ARL6IP5: variants seen among roughly 807,000 people sequenced by gnomAD.
ARL6IP5 encodes ARF like GTPase 6 interacting protein 5.
A neutral mutation model predicts 13.0 loss-of-function variants in ARL6IP5; 6 were observed. The ratio of observed to expected loss-of-function variants is 0.46; its 90% CI spans 0.25 to 0.91. ARL6IP5 has a LOEUF of 0.91. ARL6IP5 is among the 40% of genes least tolerant of loss of function. The probability of loss-of-function intolerance (pLI) is 0.17; values close to 1 mark genes in which losing one functional copy is unlikely to be tolerated. For synonymous variants in ARL6IP5, 91 were observed against 91.9 expected, an observed-to-expected ratio of 0.99 and a Z score of 0.06; for missense variants, 208 against 248.8, an observed-to-expected ratio of 0.84 and a Z score of 1.10.
At chr3:69,100,581 AC>A (rs2092301767) in intron 1 of ARL6IP5, among the ~76,000 whole-genome samples, 1 of 152,060 alleles carries the variant, frequency 6.6e-6, no homozygotes, top group Non-Finnish European at 1.5e-5. Flanking sequence ...GGAGTTCAAG[AC>A]CAGCCTGGCC....
intron 1 of ARL6IP5, among the ~76,000 whole-genome samples, chr3:69,095,336 T>G (rs1255782404): frequency 6.6e-6 from 1 of 151,900 alleles, no homozygotes; most frequent in African/African-American, 2.4e-5. Context: ...TATTAATTAT[T>G]TATTGGAATT....
rs1007327336 is a variant in ARL6IP5 at position 69,105,217 on chromosome 3, T to A, written c.*581T>A. ...CTTTACAAATATAAAGATAGCTGTT[T>A]AGGATATTTTGTTACATTTTTGTAA... On this transcript the variant is annotated 3_prime_UTR_variant, in exon 3 of 3. Transcript: ENST00000273258. The A allele has an allele frequency of 4.3e-6, 1 of 231,454 alleles. No homozygotes were observed. Among genetic ancestry groups the A allele is most frequent in the Non-Finnish European group, 8.5e-6 (1 of 118,312 alleles). 14.3% of individuals were successfully genotyped at this position (231,454 alleles called of 1,614,324 possible). A position where few individuals can be genotyped will look rare whatever the true frequency, so the allele number is the denominator to read the frequency against.
intron 1 of ARL6IP5, among the ~76,000 whole-genome samples, chr3:69,085,890 A>G (rs560090215): frequency 7.2e-5 from 11 of 152,154 alleles, no homozygotes; most frequent in Non-Finnish European, 1.3e-4. Flanking sequence ...TGAGGTTTCA[A>G]TGTATCAGAA....
At chr3:69,101,732 A>G in intron 1 of ARL6IP5, 107 bp from the exon 2 acceptor site, 1 of 892,598 alleles carries the variant, frequency 1.1e-6, no homozygotes, top group Non-Finnish European at 1.8e-6. Flanking sequence ...TAGATAAAGT[A>G]TTAAAGTATT....
rs1313084862 is a variant in ARL6IP5, at chr3:69,105,116, A to G, written c.*480A>G. 3.9e-5 allele frequency: 18 copies of G among 465,758 alleles called. No individual in the cohort carries two copies. The East Asian group carries it at 6.6e-4, about 17-fold the overall frequency. The allele number at this position is 465,758 out of a possible 1,614,324, so 28.9% of individuals were successfully genotyped here. On this transcript the variant is annotated 3_prime_UTR_variant, in exon 3 of 3. Transcript: ENST00000273258. ...ATTAGTTTTTATTATTCTCTTAAAA[A>G]TCAAAGATGATCTCTATCACTTTGC...
At chr3:69,103,208 A>G (rs950479363) in intron 2 of ARL6IP5, among the ~76,000 whole-genome samples, 4 of 152,226 alleles carry the variant, frequency 2.6e-5, no homozygotes, top group East Asian at 1.9e-4. Flanking sequence ...TAGTATTTCA[A>G]TGATACTGTT....
At chr3:69,094,190 A>G (rs564370209) in intron 1 of ARL6IP5, among the ~76,000 whole-genome samples, 1 of 152,316 alleles carries the variant, frequency 6.6e-6, no homozygotes, top group Admixed American at 6.5e-5. Context: ...CAGGTAGGCC[A>G]GCTGCTAGCC....
Position 69,099,004 on chromosome 3 carries a change from C to T in ARL6IP5, c.177-2835C>T, listed in dbSNP as rs539376664. 8.6e-5 allele frequency among the ~76,000 whole-genome samples: 13 copies of T among 151,962 alleles called. No homozygotes were observed. In the East Asian group the frequency reaches 2.5e-3, roughly 29 times the overall value. ...AGGGGATTTATTGGCTTGAAGGATA[C>T]AAGTATTTGCAAGGATTTTGAATGA... On this transcript the variant is annotated intron_variant, in intron 1 of 2. Coordinates refer to ENST00000273258, the MANE Select transcript of ARL6IP5 (RefSeq NM_006407.4).
In ARL6IP5 at chr3:69,084,958, C is replaced by G; in HGVS notation, c.-90C>G. 1 of 1,501,528 alleles carries G rather than the reference C, an allele frequency of 6.7e-7. No individual in the cohort carries two copies. The highest frequency in any genetic ancestry group is 2.3e-5 in the East Asian group (1 of 44,050). The allele number at this position is 1,501,528 out of a possible 1,614,324, so 93.0% of individuals were successfully genotyped here. On this transcript the variant is annotated 5_prime_UTR_variant, in exon 1 of 3. Transcript: ENST00000273258. ...AACCGCAAAGCCGACCGAGACGGAG[C>G]CGCTGTCAACTCTCCAACTCAGCTC... is the stretch of plus-strand genomic sequence containing the variant.
At position 69,104,633 on chromosome 3, in the gene ARL6IP5, A is replaced by T. The variant is rs756874699; in HGVS notation, c.564A>T (p.Glu188Asp). 1 of 1,613,332 alleles carries T rather than the reference A, an allele frequency of 6.2e-7. No individual in the cohort carries two copies. The highest frequency in any genetic ancestry group is 8.5e-7 in the Non-Finnish European group (1 of 1,179,710). The change falls in exon 3 of 3, where the codon GAA becomes GAT. Residue 188 changes from glutamate (E) to aspartate (D), a missense_variant. By Grantham distance (45) the Glu-to-Asp change is conservative. Transcript: ENST00000273258. ...RLTDYISKVK[E>D] is the part of the protein sequence containing the mutation. ...CTGACTATATCAGCAAAGTGAAGGA[A>T]TAAACATAACTTACCTGAGCTAGGG...
Position 69,105,581 on chromosome 3 carries a change from G to A in ARL6IP5, c.*945G>A, listed in dbSNP as rs570267062. ...GCTGATCTTTTGAAATTTGAAAAACGTCTTTAGATGACCAAGCAAAAAGAC... is the reference window on the plus strand; with the variant it reads ...GCTGATCTTTTGAAATTTGAAAAACATCTTTAGATGACCAAGCAAAAAGAC... On this transcript the variant is annotated 3_prime_UTR_variant, in exon 3 of 3. Transcript: ENST00000273258. 1.3e-5 allele frequency: 2 copies of A among 152,162 alleles called. No homozygotes were observed. The highest frequency in any genetic ancestry group is 1.5e-5 in the Non-Finnish European group (1 of 68,014). 9.4% of individuals were successfully genotyped at this position (152,162 alleles called of 1,614,324 possible).
In ARL6IP5 at chr3:69,100,746, A is replaced by C. The variant is rs993769980; in HGVS notation, c.177-1093A>C. On this transcript the variant is annotated intron_variant, in intron 1 of 2. Coordinates refer to ENST00000273258, the MANE Select transcript of ARL6IP5 (RefSeq NM_006407.4). ...CAGTGAGCCAAGATTGCGCCACTGC[A>C]CTCCAGCCTGGGTGACAGAGCAAGA... Among the ~76,000 whole-genome samples the C allele has an allele frequency of 3.3e-4, 50 of 151,248 alleles. No individual in the cohort carries two copies. The South Asian group carries it at 6.9e-3, about 21-fold the overall frequency.
chr3:69,105,209 T>G lies in ARL6IP5; in HGVS notation c.*573T>G. ...CATACTTCCTTTACAAATATAAAGA[T>G]AGCTGTTTAGGATATTTTGTTACAT... On this transcript the variant is annotated 3_prime_UTR_variant, in exon 3 of 3. Transcript: ENST00000273258. 1 of 252,364 alleles carries G rather than the reference T, an allele frequency of 4.0e-6. No individual in the cohort carries two copies. Among genetic ancestry groups the G allele is most frequent in the Non-Finnish European group, 7.6e-6 (1 of 131,404 alleles). 15.6% of individuals were successfully genotyped at this position (252,364 alleles called of 1,614,324 possible). A position where few individuals can be genotyped will look rare whatever the true frequency, so the allele number is the denominator to read the frequency against.
chr3:69,099,697 T>C (rs1056326638), intron 1 of ARL6IP5, among the ~76,000 whole-genome samples: 4 of 152,208 alleles, frequency 2.6e-5, no homozygotes, highest in Non-Finnish European at 5.9e-5. Context: ...CCCTCCCTTA[T>C]CCTGTCTTCC....
Position 69,105,098 on chromosome 3 carries a change from TTTA to T in ARL6IP5, c.*468_*470del, listed in dbSNP as rs1034960076. 6.1e-6 allele frequency: 3 copies of T among 495,850 alleles called. No individual in the cohort carries two copies. The highest frequency in any genetic ancestry group is 5.9e-5 in the African/African-American group (3 of 50,518). 30.7% of individuals were successfully genotyped at this position (495,850 alleles called of 1,614,324 possible). The stretch of plus-strand genomic sequence containing the variant: ...GTAATGTGTGGGATATAAATTAGTT[TTTA>T]TTATTCTCTTAAAAATCAAAGATGA... On this transcript the variant is annotated 3_prime_UTR_variant, in exon 3 of 3. Transcript: ENST00000273258.
intron 1 of ARL6IP5, among the ~76,000 whole-genome samples, chr3:69,091,005 C>T (rs1452595290): frequency 6.6e-6 from 1 of 151,982 alleles, no homozygotes; most frequent in Non-Finnish European, 1.5e-5. Context: ...AAGACCAGCC[C>T]GGGCAACATG....
rs191627278 is a variant in ARL6IP5, at chr3:69,086,047, C to T, written c.176+824C>T. 2.0e-5 allele frequency among the ~76,000 whole-genome samples: 3 copies of T among 152,302 alleles called. No individual in the cohort carries two copies. In the East Asian group the frequency reaches 5.8e-4, roughly 29 times the overall value. ...CAGGATGGGTGGTGATATTCTCAATCTTGCTGATTATCTCCTACACATCTT... is the reference window on the plus strand; with the variant it reads ...CAGGATGGGTGGTGATATTCTCAATTTTGCTGATTATCTCCTACACATCTT... On this transcript the variant is annotated intron_variant, in intron 1 of 2. Coordinates refer to ENST00000273258, the MANE Select transcript of ARL6IP5 (RefSeq NM_006407.4).
rs1437504044 is a variant in ARL6IP5 at position 69,101,914 on chromosome 3, C to T, written c.252C>T (p.Ala84=). 1 of 1,613,936 alleles carries T rather than the reference C, an allele frequency of 6.2e-7. No homozygotes were observed. The highest frequency in any genetic ancestry group is 1.3e-5 in the African/African-American group (1 of 74,868). The change falls in exon 2 of 3, where the codon GCC becomes GCT. Residue 84 remains alanine, a synonymous_variant. Transcript: ENST00000273258. ...VLVFTGFVWA[A]HNKDVLRRMK... Reference sequence around the variant, plus strand: ...TGTTCACAGGGTTTGTGTGGGCAGCCCACAATAAAGACGTCCTTCGCCGGA... The same window carrying T: ...TGTTCACAGGGTTTGTGTGGGCAGCTCACAATAAAGACGTCCTTCGCCGGA...
At chr3:69,093,691 G>A (rs188952014) in intron 1 of ARL6IP5, among the ~76,000 whole-genome samples, 41 of 151,564 alleles carry the variant, frequency 2.7e-4, no homozygotes, top group African/African-American at 9.7e-4. Context: ...GAACCAGGGA[G>A]TCAGAGGTTG....
Sources: allele counts gnomAD v4.1 joint callset (sites outside exome capture counted in the v4.1 genomes callset), GRCh38; gene constraint gnomAD v4.1.1; transcripts MANE v1.5; gene names NCBI Gene and HGNC (gene_info 2026-07-23, HGNC 2026-07-21).